HOMER1: variants seen among roughly 807,000 people sequenced by gnomAD.
HOMER1 encodes the protein homer scaffold protein 1, also known as homer protein homolog 1.
In HOMER1, 3 loss-of-function variants were observed where a neutral mutation model predicts 48.9. The observed-to-expected ratio is 0.06, with a 90% CI of 0.03 to 0.16. HOMER1 has a LOEUF of 0.16. HOMER1 is among the 10% of genes least tolerant of loss of function. HOMER1 has a pLI of 1.00. For missense variants in HOMER1, 247 were observed against 411.4 expected (o/e 0.60, Z 3.46); for synonymous variants, 134 against 146.4 (o/e 0.92, Z 0.61).
intron 4 of HOMER1, among the ~76,000 whole-genome samples, chr5:79,442,051 G>T (rs1750752446): frequency 1.3e-5 from 2 of 150,054 alleles, no homozygotes; most frequent in African/African-American, 4.9e-5. Context: ...AAAAACAGAT[G>T]AAATAATCTT....
At chr5:79,478,881 G>C (rs996292004) in intron 1 of HOMER1, among the ~76,000 whole-genome samples, 2 of 152,220 alleles carry the variant, frequency 1.3e-5, no homozygotes, top group African/African-American at 2.4e-5. Flanking sequence ...GAACCCAGGA[G>C]GTGGAGGTTG....
At chr5:79,434,347 T>TA (rs147905669) in intron 5 of HOMER1, among the ~76,000 whole-genome samples, 7,845 of 148,882 alleles carry the variant, frequency 0.053, 259 homozygotes, top group African/African-American at 0.08. Flanking sequence ...TATTATTTAT[T>TA]AAAAAAAAAA....
intron 5 of HOMER1, among the ~76,000 whole-genome samples, chr5:79,418,468 C>G (rs117460323): frequency 1.3e-5 from 2 of 148,966 alleles, no homozygotes; most frequent in Non-Finnish European, 2.9e-5. Flanking sequence ...AAAAACAACA[C>G]GACAGAAATC....
chr5:79,395,494 C>T (rs1462956658), intron 8 of HOMER1, among the ~76,000 whole-genome samples: 1 of 152,092 alleles, frequency 6.6e-6, no homozygotes, highest in Non-Finnish European at 1.5e-5. Flanking sequence ...AAGTTGATGA[C>T]CACTAATCTA....
At chr5:79,423,958 C>T (rs1015211285) in intron 5 of HOMER1, among the ~76,000 whole-genome samples, 2 of 151,946 alleles carry the variant, frequency 1.3e-5, no homozygotes, top group African/African-American at 4.8e-5. Flanking sequence ...AATGACAGAC[C>T]ATTGTATTAT....
chr5:79,418,469 G>A (rs1009451966), intron 5 of HOMER1, among the ~76,000 whole-genome samples: 6 of 147,882 alleles, frequency 4.1e-5, no homozygotes, highest in Non-Finnish European at 5.9e-5. Flanking sequence ...AAAACAACAC[G>A]ACAGAAATCC....
chr5:79,422,151 C>T (rs191860529), intron 5 of HOMER1, among the ~76,000 whole-genome samples: 89 of 151,758 alleles, frequency 5.9e-4, no homozygotes, highest in Non-Finnish European at 9.6e-4. Flanking sequence ...CACTTGAACA[C>T]GGGAGACAGA....
chr5:79,449,906 TAAG>T (rs1375501023), intron 3 of HOMER1, among the ~76,000 whole-genome samples: 1 of 152,314 alleles, frequency 6.6e-6, no homozygotes, highest in East Asian at 1.9e-4. Context: ...AAAACAGTGT[TAAG>T]AAATGTTTAT....
chr5:79,410,080 C>A lies in HOMER1; in HGVS notation c.528-8025G>T, dbSNP rs143186421. Among the ~76,000 whole-genome samples the A allele has an allele frequency of 5.6e-4, 85 of 152,186 alleles. 1 individual carries two copies. In the East Asian group the frequency reaches 0.016, roughly 29 times the overall value. On this transcript the variant is annotated intron_variant, in intron 5 of 8. Transcript: ENST00000334082. The stretch of plus-strand genomic sequence containing the variant: ...TTACAATTTTCTTTTTTCTTAGATA[C>A]CAAAAATAAATTTTTATAATAAAAC...
chr5:79,447,692 G>A (rs1750921645), intron 3 of HOMER1, among the ~76,000 whole-genome samples: 1 of 152,154 alleles, frequency 6.6e-6, no homozygotes, highest in South Asian at 2.1e-4. Context: ...AATAGCTCAT[G>A]TACAGCAGCA....
At chr5:79,460,056 T>C (rs575577712) in intron 1 of HOMER1, among the ~76,000 whole-genome samples, 32 of 152,226 alleles carry the variant, frequency 2.1e-4, no homozygotes, top group Non-Finnish European at 4.7e-4. Flanking sequence ...GTTCTCACTA[T>C]ATTGCCCAGG....
chr5:79,421,595 A>G (rs1293710223), intron 5 of HOMER1, among the ~76,000 whole-genome samples: 1 of 150,272 alleles, frequency 6.7e-6, no homozygotes, highest in Non-Finnish European at 1.5e-5. Flanking sequence ...CACACACTAA[A>G]CCCTGTTATT....
intron 1 of HOMER1, among the ~76,000 whole-genome samples, chr5:79,489,825 T>C (rs1485476476): frequency 6.6e-6 from 1 of 152,190 alleles, no homozygotes; most frequent in Non-Finnish European, 1.5e-5. Context: ...GTACACTTAT[T>C]GCATAGATGC....
At chr5:79,401,542 C>G (rs779959380) in intron 6 of HOMER1, among the ~76,000 whole-genome samples, 4 of 152,260 alleles carry the variant, frequency 2.6e-5, no homozygotes, top group Non-Finnish European at 4.4e-5. Flanking sequence ...AGCTAAAATT[C>G]TAATTAAACT....
chr5:79,389,701 C>T (rs888377760), intron 8 of HOMER1, among the ~76,000 whole-genome samples: 17 of 152,168 alleles, frequency 1.1e-4, no homozygotes, highest in African/African-American at 3.6e-4. Flanking sequence ...ACCTTGACCT[C>T]GGCTTTCCAG....
chr5:79,499,072 G>A (rs1051566407), intron 1 of HOMER1, among the ~76,000 whole-genome samples: 2 of 152,008 alleles, frequency 1.3e-5, no homozygotes, highest in Non-Finnish European at 2.9e-5. Context: ...CTGATCTTGT[G>A]ATCTGCCCAC....
intron 4 of HOMER1, among the ~76,000 whole-genome samples, chr5:79,445,667 C>A (rs1394974482): frequency 6.6e-6 from 1 of 152,192 alleles, no homozygotes; most frequent in Non-Finnish European, 1.5e-5. Context: ...CGCCTGTAAT[C>A]TCAGCATTTT....
At position 79,447,156 on chromosome 5, in the gene HOMER1, AG is replaced by A; in HGVS notation, c.295-12del. 6.5e-7 allele frequency: 1 copy of A among 1,541,090 alleles called. No individual in the cohort carries two copies. The highest frequency in any genetic ancestry group is 9.0e-7 in the Non-Finnish European group (1 of 1,114,110). On this transcript the variant is annotated splice_polypyrimidine_tract_variant and intron_variant, in intron 3 of 8. Transcript: ENST00000334082. Reference sequence around the variant, plus strand: ...AAACTTTTCTGCAAACTGAATGTATAGAGACTACATACATTAACCAAATAAA... The same window carrying A: ...AAACTTTTCTGCAAACTGAATGTATAAGACTACATACATTAACCAAATAAA...
chr5:79,478,365 C>T (rs924214907), intron 1 of HOMER1, among the ~76,000 whole-genome samples: 1 of 152,092 alleles, frequency 6.6e-6, no homozygotes, highest in East Asian at 1.9e-4. Flanking sequence ...CTGGATGGTT[C>T]AAAAGCAAGC....
Sources: allele counts gnomAD v4.1 joint callset (sites outside exome capture counted in the v4.1 genomes callset), GRCh38; gene constraint gnomAD v4.1.1; transcripts MANE v1.5; gene names NCBI Gene and HGNC (gene_info 2026-07-23, HGNC 2026-07-21).